The following PPP2R5C variants were observed in gnomAD, a reference collection of about 807,000 sequenced individuals.
PPP2R5C encodes the protein protein phosphatase 2 regulatory subunit B'gamma.
Under a neutral mutation model 68.9 loss-of-function variants are expected in PPP2R5C, and 7 were observed. The ratio of observed to expected loss-of-function variants is 0.10; its 90% CI spans 0.06 to 0.19. The LOEUF is 0.19. PPP2R5C is among the 10% of genes least tolerant of loss of function. The pLI, the probability that PPP2R5C is intolerant of heterozygous loss-of-function variation, is 1.00. For synonymous variants in PPP2R5C, 210 were observed against 222.2 expected, an observed-to-expected ratio of 0.95 and a Z score of 0.49; for missense variants, 348 against 641.3, an observed-to-expected ratio of 0.54 and a Z score of 4.94.
chr14:101,808,089 CAGA>C (rs2039145384), upstream of PPP2R5C, among the ~76,000 whole-genome samples: 1 of 151,148 alleles, frequency 6.6e-6, no homozygotes, highest in Non-Finnish European at 1.5e-5. Context: ...TGGCATCACT[CAGA>C]GGAGGAGGAG....
rs181226421 is a variant in PPP2R5C, at chr14:101,918,247, C to T, written c.1443+300C>T. Among the ~76,000 whole-genome samples the T allele has an allele frequency of 7.7e-3, 1,162 of 151,886 alleles. 39 individuals are homozygous for T. The East Asian group carries it at 0.086, about 11-fold the overall frequency. ...TCCAGCAAAATCGAAAGCTTCACAG[C>T]CATATCCACCCCTCGCTGTTTTCTT... On this transcript the variant is annotated intron_variant, in intron 13 of 13. Coordinates refer to ENST00000334743, the Ensembl canonical transcript of PPP2R5C.
Position 101,836,555 on chromosome 14 carries a change from A to G in PPP2R5C, c.95-20131A>G, listed in dbSNP as rs1402916069. 7.1e-6 allele frequency: 4 copies of G among 566,078 alleles called. No individual in the cohort carries two copies. In the East Asian group the frequency reaches 1.1e-4, roughly 16 times the overall value. The allele number at this position is 566,078 out of a possible 1,614,324, so 35.1% of individuals were successfully genotyped here. On this transcript the variant is annotated intron_variant, in intron 1 of 13. Coordinates refer to ENST00000334743, the Ensembl canonical transcript of PPP2R5C. ...TTAGACAAAATAAATTTCTTTAAATATAATATCTCTACTTTAAATGCCTGG... is the reference window on the plus strand; with the variant it reads ...TTAGACAAAATAAATTTCTTTAAATGTAATATCTCTACTTTAAATGCCTGG...
chr14:101,835,834 G>T lies in PPP2R5C; in HGVS notation c.95-20852G>T, dbSNP rs925558774. 6.6e-6 allele frequency among the ~76,000 whole-genome samples: 1 copy of T among 152,218 alleles called. No individual in the cohort carries two copies. The highest frequency in any genetic ancestry group is 6.5e-5 in the Admixed American group (1 of 15,286). On this transcript the variant is annotated intron_variant, in intron 1 of 13. Coordinates refer to ENST00000334743, the Ensembl canonical transcript of PPP2R5C. The surrounding 1 kb of genome is among the most constrained non-coding windows in gnomAD (Gnocchi z 5.0). ...CCTGCCTGGGCTCAGGCATCAGCAC[G>T]GTCCCATCTGAGCGTCGCCTTAACC...
At chr14:101,845,552 C>T (rs766427251) in intron 1 of PPP2R5C, among the ~76,000 whole-genome samples, 1 of 151,774 alleles carries the variant, frequency 6.6e-6, no homozygotes, top group African/African-American at 2.4e-5. Context: ...TAGCTTCAAC[C>T]ACTGCCTTTT....
At position 101,877,280 on chromosome 14, in the gene PPP2R5C, G is replaced by A. The variant is rs1000921; in HGVS notation, c.295-4881G>A. On this transcript the variant is annotated intron_variant, in intron 2 of 13. Coordinates refer to ENST00000334743, the Ensembl canonical transcript of PPP2R5C. This position sits in a 1 kb window ranked among gnomAD's most constrained non-coding sequence, Gnocchi z 4.2. The stretch of plus-strand genomic sequence containing the variant: ...CTTTCCAATGGAGGAGAAAATTGAG[G>A]CTCAGGCAGGCTGTTTGGTCTGAGG... Among the ~76,000 whole-genome samples, 7,501 of 152,134 alleles carry A rather than the reference G, an allele frequency of 0.049. 434 individuals are homozygous for A. Among genetic ancestry groups the A allele is most frequent in the African/African-American group, 0.14 (5,731 of 41,488 alleles).
rs1291022087 is a variant in PPP2R5C, at chr14:101,912,492, A to G, written c.1326+19A>G. The G allele has an allele frequency of 8.1e-6, 13 of 1,596,548 alleles. 1 individual carries two copies. The South Asian group carries it at 1.5e-4, about 18-fold the overall frequency. ...TCCCCAGGTACTAAAAAAGAGAATA[A>G]CATGAAAACGCCCAGGGTTACTTGA... On this transcript the variant is annotated intron_variant, in intron 12 of 13. Transcript: ENST00000334743.
chr14:101,864,169 T>C (rs1201555399), intron 2 of PPP2R5C, among the ~76,000 whole-genome samples: 1 of 151,664 alleles, frequency 6.6e-6, no homozygotes, highest in Non-Finnish European at 1.5e-5. Flanking sequence ...CAATATGAGG[T>C]TTTCTGCATA....
intron 2 of PPP2R5C, among the ~76,000 whole-genome samples, chr14:101,769,989 A>G (rs1255769283): frequency 1.3e-5 from 2 of 152,164 alleles, no homozygotes; most frequent in East Asian, 1.9e-4. Flanking sequence ...CAGGCTACAC[A>G]CCTGTACAGC....
Position 101,794,900 on chromosome 14 carries a change from A to G in PPP2R5C, c.259+8717A>G, listed in dbSNP as rs185858770. Among the ~76,000 whole-genome samples the G allele has an allele frequency of 3.9e-4, 60 of 152,346 alleles. No individual in the cohort carries two copies. In the East Asian group the frequency reaches 0.01, roughly 25 times the overall value. ...AGTTGATTCTTTTGAATATTCAGGT[A>G]TTAATTAGAGCATCTGCACATAATT... is the stretch of plus-strand genomic sequence containing the variant. On this transcript the variant is annotated intron_variant, in intron 3 of 14. Transcript: ENST00000328724.
At chr14:101,849,169 G>A (rs1480354878) in intron 1 of PPP2R5C, among the ~76,000 whole-genome samples, 1 of 152,210 alleles carries the variant, frequency 6.6e-6, no homozygotes, top group Non-Finnish European at 1.5e-5. Context: ...TGGGCATTTG[G>A]TTGTTTCTAG....
At chr14:101,848,003 A>G (rs764066154) in intron 1 of PPP2R5C, among the ~76,000 whole-genome samples, 7 of 152,280 alleles carry the variant, frequency 4.6e-5, no homozygotes, top group Non-Finnish European at 1.0e-4. Context: ...TTTAGTTCTT[A>G]TATCCCAATT....
intron 13 of PPP2R5C, among the ~76,000 whole-genome samples, chr14:101,918,887 C>T (rs763396498): frequency 3.3e-5 from 5 of 151,346 alleles, no homozygotes; most frequent in Non-Finnish European, 7.4e-5. Context: ...GGGACATTGG[C>T]CTTTCTCACT....
intron 11 of PPP2R5C, 38 bp from the exon 14 acceptor site, chr14:101,912,363 T>G (rs377177000): frequency 4.6e-6 from 7 of 1,524,516 alleles, no homozygotes; most frequent in Non-Finnish European, 6.2e-6. Context: ...TTGTGTCTGA[T>G]GCATCTCTAA....
chr14:101,849,775 TG>T (rs2042044610), intron 1 of PPP2R5C, among the ~76,000 whole-genome samples: 1 of 152,232 alleles, frequency 6.6e-6, no homozygotes, highest in South Asian at 2.1e-4. Context: ...CACAACGTGT[TG>T]AAAGGCCGAC....
intron 2 of PPP2R5C, among the ~76,000 whole-genome samples, chr14:101,776,985 A>G (rs1163907507): frequency 1.3e-5 from 2 of 150,668 alleles, no homozygotes; most frequent in Non-Finnish European, 3.0e-5. Flanking sequence ...GGTTCAAGCA[A>G]TTCTCCTGCC....
chr14:101,783,780 G>T (rs967551307), intron 2 of PPP2R5C, among the ~76,000 whole-genome samples: 1 of 152,218 alleles, frequency 6.6e-6, no homozygotes, highest in Non-Finnish European at 1.5e-5. Context: ...TGAGTGCTGG[G>T]CTGGCACTAT....
At chr14:101,831,890 G>A (rs942600557) in intron 1 of PPP2R5C, 1 of 600,974 alleles carries the variant, frequency 1.7e-6, no homozygotes, top group Middle Eastern at 2.5e-4. Context: ...AGTTTAACTT[G>A]TCCAAAGACA....
intron 10 of PPP2R5C, among the ~76,000 whole-genome samples, chr14:101,908,597 C>T (rs1025318753): frequency 3.9e-5 from 6 of 152,104 alleles, no homozygotes; most frequent in Admixed American, 1.3e-4. Flanking sequence ...TGGTCTTGAA[C>T]TCCTGACCTG....
At position 101,801,538 on chromosome 14, in the gene PPP2R5C, CCT is replaced by C. The variant is rs1403574708; in HGVS notation, c.259+15356_259+15357del. Among the ~76,000 whole-genome samples the C allele has an allele frequency of 5.9e-5, 9 of 152,020 alleles. No individual in the cohort carries two copies. In the South Asian group the frequency reaches 1.9e-3, roughly 32 times the overall value. Reference sequence around the variant, plus strand: ...ATTTCACTAGGTATGTGGGATAATCCCTTTGGCATTAAAGTAGTTTCCAGTAT... The same window carrying C: ...ATTTCACTAGGTATGTGGGATAATCCTTGGCATTAAAGTAGTTTCCAGTAT... On this transcript the variant is annotated intron_variant, in intron 3 of 14. Transcript: ENST00000328724.
Sources: gnomAD v4.1 joint callset for allele counts (sites outside exome capture counted in the v4.1 genomes callset) on GRCh38, gnomAD v4.1.1 for gene constraint, Gnocchi (gnomAD v3.1) non-coding constraint, MANE v1.5 for transcripts, NCBI Gene and HGNC (gene_info 2026-07-23, HGNC 2026-07-21) for gene names.